CYB5A: variants seen among roughly 807,000 people sequenced by gnomAD.
CYB5A encodes cytochrome b5 type A.
A neutral mutation model predicts 16.2 loss-of-function variants in CYB5A; 10 were observed. That is an observed-to-expected ratio of 0.62 (90% CI 0.38 to 1.04). The LOEUF is 1.04. Ranked by LOEUF, CYB5A falls within the 50% of genes least tolerant of loss-of-function variation. The pLI, the probability that CYB5A is intolerant of heterozygous loss-of-function variation, is 0.01. For synonymous variants in CYB5A, 62 were observed against 57.0 expected, an observed-to-expected ratio of 1.09 and a Z score of -0.40; for missense variants, 161 against 165.9, an observed-to-expected ratio of 0.97 and a Z score of 0.16.
chr18:74,271,859 G>A (rs1408929099), intron 1 of CYB5A, among the ~76,000 whole-genome samples: 1 of 152,176 alleles, frequency 6.6e-6, no homozygotes, highest in Non-Finnish European at 1.5e-5. Context: ...CAACATAAAA[G>A]CTGAAGATGG....
At chr18:74,261,337 T>A (rs1324332494) in intron 2 of CYB5A, 1 of 267,996 alleles carries the variant, frequency 3.7e-6, no homozygotes, top group Non-Finnish European at 7.3e-6. Flanking sequence ...ATATCTTCAG[T>A]TAAGCCCTGC....
Position 74,291,836 on chromosome 18 carries a change from G to A in CYB5A, c.40C>T (p.Leu14=), listed in dbSNP as rs1983559396. 1.2e-6 allele frequency: 2 copies of A among 1,613,834 alleles called. No homozygotes were observed. The highest frequency in any genetic ancestry group is 2.7e-5 in the African/African-American group (2 of 75,024). ...QSDEAVKYYT[L]EEIQKHNHSK... Reference sequence around the variant, plus strand: ...TGGTTGTGCTTCTGAATCTCCTCTAGGGTGTAGTACTTCACGGCCTCGTCC... The same window carrying A: ...TGGTTGTGCTTCTGAATCTCCTCTAAGGTGTAGTACTTCACGGCCTCGTCC... Residue 14 remains leucine, a synonymous_variant, in exon 1 of 5, where the codon CTA becomes TTA. Transcript: ENST00000340533.
chr18:74,263,220 G>T, intron 2 of CYB5A, 129 bp downstream of exon 2: 2 of 1,142,564 alleles, frequency 1.8e-6, no homozygotes, highest in Non-Finnish European at 2.6e-6. Context: ...AAAAAATGGT[G>T]TCCTAAAATC....
At chr18:74,289,157 G>C (rs1306789887) in intron 1 of CYB5A, among the ~76,000 whole-genome samples, 1 of 152,082 alleles carries the variant, frequency 6.6e-6, no homozygotes, top group Non-Finnish European at 1.5e-5. Context: ...TTTTATTTGA[G>C]ATGCATTCTC....
intron 1 of CYB5A, among the ~76,000 whole-genome samples, chr18:74,289,776 C>CA (rs531814328): frequency 0.016 from 1,466 of 91,114 alleles, 11 homozygotes; most frequent in South Asian, 0.029. Context: ...AACTCTGTCT[C>CA]AAAAAAAAAA....
chr18:74,282,420 A>G (rs754373288), intron 1 of CYB5A, among the ~76,000 whole-genome samples: 1 of 152,162 alleles, frequency 6.6e-6, no homozygotes, highest in African/African-American at 2.4e-5. Context: ...GGGGGAAAAA[A>G]ATAAGATAGT....
At chr18:74,276,370 A>G (rs1438022743) in intron 1 of CYB5A, among the ~76,000 whole-genome samples, 3 of 152,178 alleles carry the variant, frequency 2.0e-5, no homozygotes, top group East Asian at 3.8e-4. Flanking sequence ...ACATTTCTGA[A>G]CAAAGTATCT....
chr18:74,266,184 C>T (rs1286832821), intron 1 of CYB5A, among the ~76,000 whole-genome samples: 1 of 152,216 alleles, frequency 6.6e-6, no homozygotes, highest in Non-Finnish European at 1.5e-5. Flanking sequence ...CTCGCCAAGG[C>T]TGCAGCAATA....
At chr18:74,285,669 G>C (rs1170127824) in intron 1 of CYB5A, among the ~76,000 whole-genome samples, 3 of 151,908 alleles carry the variant, frequency 2.0e-5, no homozygotes, top group Non-Finnish European at 4.4e-5. Flanking sequence ...TTCGAGACCA[G>C]CCTGGGCAAC....
chr18:74,275,920 G>A (rs745316769), intron 1 of CYB5A, among the ~76,000 whole-genome samples: 4 of 152,172 alleles, frequency 2.6e-5, no homozygotes, highest in African/African-American at 4.8e-5. Context: ...GGGAGGACCC[G>A]GCGGTGCGCA....
Position 74,260,924 on chromosome 18 carries a change from G to C in CYB5A, c.279C>G (p.Asn93Lys), listed in dbSNP as rs879248229. Residue 93 changes from asparagine to lysine, a missense_variant, in exon 3 of 5, where the codon AAC becomes AAG. By Grantham distance (94) the Asn-to-Lys change is moderately conservative (BLOSUM62 0). Coordinates refer to ENST00000340533, the MANE Select transcript of CYB5A (RefSeq NM_148923.4). ...AGATGGTCACACTTACCGGAGGCTT[G>C]TTTAACTTTGGTCTGTCATCCTGCA... ...ELHPDDRPKL[N>K]KPPETLITTI... is the part of the protein sequence containing the mutation. The C allele has an allele frequency of 5.0e-6, 8 of 1,612,502 alleles. No homozygotes were observed. The South Asian group carries it at 5.5e-5, about 11-fold the overall frequency.
At chr18:74,269,124 A>G (rs1246271744) in intron 1 of CYB5A, among the ~76,000 whole-genome samples, 1 of 152,134 alleles carries the variant, frequency 6.6e-6, no homozygotes, top group African/African-American at 2.4e-5. Flanking sequence ...ACCCAATACT[A>G]AGTGACTTTC....
intron 1 of CYB5A, among the ~76,000 whole-genome samples, chr18:74,271,454 C>T (rs1488421995): frequency 6.6e-6 from 1 of 152,164 alleles, no homozygotes; most frequent in Non-Finnish European, 1.5e-5. Flanking sequence ...CAGCCCTCAT[C>T]CCACAGTGCA....
In CYB5A at chr18:74,253,341, AG is replaced by A; in HGVS notation, c.*242del. The A allele has an allele frequency of 2.4e-6, 1 of 419,770 alleles. No homozygotes were observed. Among genetic ancestry groups the A allele is most frequent in the South Asian group, 2.1e-5 (1 of 46,554 alleles). The allele number at this position is 419,770 out of a possible 1,614,324, so 26.0% of individuals were successfully genotyped here. On this transcript the variant is annotated 3_prime_UTR_variant, in exon 5 of 5. Transcript: ENST00000340533. Reference sequence around the variant, plus strand: ...TTTTTAAAAGATCATGCTTATAATAAGTAAATTACACATTAAGGAAACATCA... The same window carrying A: ...TTTTTAAAAGATCATGCTTATAATAATAAATTACACATTAAGGAAACATCA...
At chr18:74,261,060 T>G in intron 2 of CYB5A, 116 bp from the exon 3 acceptor site, 1 of 822,870 alleles carries the variant, frequency 1.2e-6, no homozygotes, top group Non-Finnish European at 2.1e-6. Context: ...CATTTCAGAT[T>G]CAACATTTAG....
At chr18:74,254,523 C>T (rs1226619659) in intron 4 of CYB5A, among the ~76,000 whole-genome samples, 1 of 144,130 alleles carries the variant, frequency 6.9e-6, no homozygotes, top group Non-Finnish European at 1.5e-5. Flanking sequence ...CTATTTGAAT[C>T]TTTTTTTTTT....
rs1981783934 is a variant in CYB5A at position 74,251,804 on chromosome 18, G to A, written c.*1780C>T. ...ACATGAAGAAACATTGCCAGCCACA[G>A]CAGCAAATTGCTGAGTCACTGATAA... On this transcript the variant is annotated 3_prime_UTR_variant, in exon 5 of 5. Transcript: ENST00000340533. 1 of 152,214 alleles carries A rather than the reference G, an allele frequency of 6.6e-6. No individual in the cohort carries two copies. Among genetic ancestry groups the A allele is most frequent in the South Asian group, 2.1e-4 (1 of 4,834 alleles). 9.4% of individuals were successfully genotyped at this position (152,214 alleles called of 1,614,324 possible).
chr18:74,261,291 C>G (rs965415125), intron 2 of CYB5A: 3 of 331,772 alleles, frequency 9.0e-6, no homozygotes, highest in African/African-American at 6.4e-5. Context: ...CTCTCAAATT[C>G]CATTTGAGAT....
At chr18:74,269,242 GCA>G (rs1189979865) in intron 1 of CYB5A, among the ~76,000 whole-genome samples, 6 of 148,414 alleles carry the variant, frequency 4.0e-5, no homozygotes, top group Non-Finnish European at 1.5e-5. Flanking sequence ...GCAGAATTTT[GCA>G]CAGTGGTTCT....
Sources: gnomAD v4.1 joint callset for allele counts (sites outside exome capture counted in the v4.1 genomes callset) on GRCh38, gnomAD v4.1.1 for gene constraint, MANE v1.5 for transcripts, NCBI Gene and HGNC (gene_info 2026-07-23, HGNC 2026-07-21) for gene names.